CRB1: variants seen among roughly 807,000 people sequenced by gnomAD.
CRB1 encodes crumbs cell polarity complex component 1.
A neutral mutation model predicts 120.0 loss-of-function variants in CRB1; 83 were observed. That is an observed-to-expected ratio of 0.69 (90% CI 0.58 to 0.83). The LOEUF is 0.83. Ranked by LOEUF, CRB1 falls within the 40% of genes least tolerant of loss-of-function variation. The pLI, the probability that CRB1 is intolerant of heterozygous loss-of-function variation, is 0.00. For synonymous variants in CRB1, 625 were observed against 612.5 expected (o/e 1.02, Z -0.30); for missense variants, 1,699 against 1,687.6 (o/e 1.01, Z -0.12).
chr1:197,251,858 T>G, the CRB1 span, among the ~76,000 whole-genome samples: 1 of 152,028 alleles, frequency 6.6e-6, no homozygotes, highest in Non-Finnish European at 1.5e-5. Context: ...GAAGGAGAGA[T>G]TATCTGCTTA....
chr1:197,457,670 C>T (rs1392798689), intron 11 of CRB1, among the ~76,000 whole-genome samples: 7 of 152,004 alleles, frequency 4.6e-5, no homozygotes, highest in Non-Finnish European at 1.0e-4. Context: ...TAGAACATTC[C>T]CAGGGCTGGC....
At chr1:197,231,951 C>T in the CRB1 span, among the ~76,000 whole-genome samples, 2 of 152,234 alleles carry the variant, frequency 1.3e-5, no homozygotes, top group Middle Eastern at 6.8e-3. Flanking sequence ...GTTTAAGGGA[C>T]TTTGCAGATT....
At chr1:197,356,127 G>A (rs1462681879) in intron 4 of CRB1, among the ~76,000 whole-genome samples, 1 of 152,202 alleles carries the variant, frequency 6.6e-6, no homozygotes, top group Non-Finnish European at 1.5e-5. Context: ...GCAAGGGAGT[G>A]AATAAAGCAA....
intron 1 of CRB1, among the ~76,000 whole-genome samples, chr1:197,291,106 T>A (rs1476457654): frequency 2.0e-5 from 3 of 151,860 alleles, no homozygotes; most frequent in African/African-American, 7.2e-5. Context: ...GTACTAAAAA[T>A]AATAACTTCA....
chr1:197,225,306 C>G, the CRB1 span, among the ~76,000 whole-genome samples: 1 of 152,192 alleles, frequency 6.6e-6, no homozygotes, highest in African/African-American at 2.4e-5. Context: ...AGGCACTTTC[C>G]ATTATGAATT....
chr1:197,237,945 G>A, the CRB1 span, among the ~76,000 whole-genome samples: 1 of 151,994 alleles, frequency 6.6e-6, no homozygotes, highest in Non-Finnish European at 1.5e-5. Context: ...CTTCAATTAT[G>A]GATTTGAGAC....
At chr1:197,449,486 C>T (rs563958153) in intron 11 of CRB1, among the ~76,000 whole-genome samples, 139 of 152,240 alleles carry the variant, frequency 9.1e-4, no homozygotes, top group African/African-American at 2.8e-3. Context: ...CCTGCCTCAG[C>T]CTCTCAAGTA....
At chr1:197,413,291 A>T (rs370267461) in intron 5 of CRB1, among the ~76,000 whole-genome samples, 20 of 152,344 alleles carry the variant, frequency 1.3e-4, no homozygotes, top group East Asian at 9.6e-4. Flanking sequence ...CATTGGATGT[A>T]GAAGGAGTGG....
At chr1:197,293,835 G>A (rs982504586) in intron 1 of CRB1, among the ~76,000 whole-genome samples, 15 of 152,248 alleles carry the variant, frequency 9.9e-5, no homozygotes, top group African/African-American at 3.6e-4. Flanking sequence ...TTTCACAAAT[G>A]GTGCTGGAAA....
At chr1:197,396,080 T>G (rs1662757621) in intron 5 of CRB1, among the ~76,000 whole-genome samples, 1 of 152,100 alleles carries the variant, frequency 6.6e-6, no homozygotes, top group African/African-American at 2.4e-5. Flanking sequence ...GACATGATTG[T>G]TTATACAGAA....
intron 6 of CRB1, among the ~76,000 whole-genome samples, chr1:197,425,367 CAGA>C (rs1571533440): frequency 6.6e-6 from 1 of 152,132 alleles, no homozygotes; most frequent in African/African-American, 2.4e-5. Flanking sequence ...GCCTTTTATG[CAGA>C]AGATCTTCAA....
chr1:197,389,853 A>G (rs1662406702), intron 5 of CRB1, among the ~76,000 whole-genome samples: 1 of 152,068 alleles, frequency 6.6e-6, no homozygotes, highest in African/African-American at 2.4e-5. Context: ...TAAAGTCTTG[A>G]AAACTTAGTT....
chr1:197,471,116 G>T (rs1666960375), intron 11 of CRB1, among the ~76,000 whole-genome samples: 1 of 151,694 alleles, frequency 6.6e-6, no homozygotes, highest in African/African-American at 2.4e-5. Context: ...ATTCCTTCTG[G>T]TATGGAAATC....
At chr1:197,387,492 C>A (rs903994082) in intron 5 of CRB1, among the ~76,000 whole-genome samples, 1 of 151,840 alleles carries the variant, frequency 6.6e-6, no homozygotes, top group South Asian at 2.1e-4. Flanking sequence ...TTCCCTGTGC[C>A]GCTCCATAGA....
chr1:197,477,592 T>G (rs1202298336), intron 11 of CRB1, 72 bp from the exon 12 acceptor site: 2 of 1,404,156 alleles, frequency 1.4e-6, no homozygotes, highest in Non-Finnish European at 1.0e-6. Flanking sequence ...CATTCCTGAG[T>G]AGTTCCATTG....
intron 1 of CRB1, chr1:197,304,399 A>G (rs765650197): frequency 2.0e-6 from 2 of 983,080 alleles, no homozygotes; most frequent in African/African-American, 1.7e-5. Flanking sequence ...TAGCAGTGGC[A>G]TGTGCTCAGG....
upstream of CRB1, among the ~76,000 whole-genome samples, chr1:197,265,365 C>T (rs1654609065): frequency 1.3e-5 from 2 of 151,034 alleles, no homozygotes; most frequent in South Asian, 4.2e-4. Flanking sequence ...TTTCTTCCTT[C>T]CTTTTGTCCT....
In CRB1 at chr1:197,328,910, G is replaced by A. The variant is rs774621951; in HGVS notation, c.559G>A (p.Val187Met). Reference sequence around the variant, plus strand: ...TCAAGGCAGACACTGCGACTTGGAAGTGGATGAATGTGCTTCAGATCCCTG... The same window carrying A: ...TCAAGGCAGACACTGCGACTTGGAAATGGATGAATGTGCTTCAGATCCCTG... The part of the protein sequence containing the change: ...GYQGRHCDLE[V>M]DECASDPCKN... Residue 187 changes from valine to methionine, a missense_variant, in exon 2 of 12, where the codon GTG (valine) becomes ATG (methionine). Val to Met is a conservative substitution (Grantham distance 21). Transcript: ENST00000367400. 2.5e-6 allele frequency: 4 copies of A among 1,614,254 alleles called. No homozygotes were observed. Among genetic ancestry groups the A allele is most frequent in the Non-Finnish European group, 3.4e-6 (4 of 1,180,048 alleles).
At chr1:197,406,392 G>A (rs957233610) in intron 5 of CRB1, among the ~76,000 whole-genome samples, 1 of 152,124 alleles carries the variant, frequency 6.6e-6, no homozygotes, top group Non-Finnish European at 1.5e-5. Flanking sequence ...CTCGTTAAGA[G>A]TCATCACCAC....
Sources: gnomAD v4.1 joint callset for allele counts (sites outside exome capture counted in the v4.1 genomes callset) on GRCh38, gnomAD v4.1.1 for gene constraint, MANE v1.5 for transcripts, NCBI Gene and HGNC (gene_info 2026-07-23, HGNC 2026-07-21) for gene names.